The following STXBP6 variants were observed in gnomAD, a reference collection of about 807,000 sequenced individuals.
STXBP6 encodes syntaxin-binding protein 6.
A neutral mutation model predicts 26.9 loss-of-function variants in STXBP6; 21 were observed. The ratio of observed to expected loss-of-function variants is 0.78; its 90% CI spans 0.55 to 1.12. The LOEUF is 1.12. Ranked by LOEUF, STXBP6 falls within the 50% of genes most tolerant of loss-of-function variation. The pLI is 0.00. For synonymous variants in STXBP6, 97 were observed against 92.6 expected (o/e 1.05, Z -0.27); for missense variants, 232 against 257.9 (o/e 0.90, Z 0.69).
chr14:25,046,531 G>A (rs2075729892), intron 1 of STXBP6, among the ~76,000 whole-genome samples: 1 of 149,318 alleles, frequency 6.7e-6, no homozygotes, highest in Admixed American at 6.7e-5. Flanking sequence ...ACAGTGAGCT[G>A]GGATCCCATT....
At chr14:24,966,414 G>A (rs1203409556) in intron 2 of STXBP6, among the ~76,000 whole-genome samples, 4 of 151,064 alleles carry the variant, frequency 2.6e-5, no homozygotes, top group African/African-American at 9.7e-5. Context: ...AATGACAAGT[G>A]TGTCTACTTT....
intron 2 of STXBP6, among the ~76,000 whole-genome samples, chr14:24,907,846 C>A (rs889234248): frequency 6.6e-6 from 1 of 152,052 alleles, no homozygotes; most frequent in African/African-American, 2.4e-5. Context: ...TGCTCCTCCT[C>A]CTCTCTTAGA....
At chr14:25,014,173 T>G (rs1270175628) in intron 1 of STXBP6, among the ~76,000 whole-genome samples, 4 of 152,206 alleles carry the variant, frequency 2.6e-5, no homozygotes, top group African/African-American at 9.6e-5. Flanking sequence ...TGTACTCCTG[T>G]GTACGTTTGA....
At chr14:24,906,899 T>C (rs2071403031) in intron 2 of STXBP6, among the ~76,000 whole-genome samples, 1 of 152,094 alleles carries the variant, frequency 6.6e-6, no homozygotes, top group Admixed American at 6.6e-5. Context: ...TTTGGAAGCA[T>C]TTAAAAAACA....
intron 1 of STXBP6, among the ~76,000 whole-genome samples, chr14:25,000,944 A>G (rs2074746422): frequency 6.6e-6 from 1 of 151,928 alleles, no homozygotes; most frequent in South Asian, 2.1e-4. Flanking sequence ...TTTCCCCTCT[A>G]TCTTTGGGTC....
At chr14:25,014,545 T>C (rs922058691) in intron 1 of STXBP6, among the ~76,000 whole-genome samples, 2 of 152,188 alleles carry the variant, frequency 1.3e-5, no homozygotes, top group African/African-American at 4.8e-5. Context: ...TCTCCACCTA[T>C]ACTGTGAGAT....
chr14:25,047,953 A>G (rs534347076), intron 1 of STXBP6, among the ~76,000 whole-genome samples: 1 of 152,340 alleles, frequency 6.6e-6, no homozygotes, highest in African/African-American at 2.4e-5. Context: ...AGGACTCTGA[A>G]TGTTGATAAG....
chr14:24,868,765 C>A (rs1335022198), intron 2 of STXBP6, among the ~76,000 whole-genome samples: 1 of 152,158 alleles, frequency 6.6e-6, no homozygotes, highest in Non-Finnish European at 1.5e-5. Flanking sequence ...GAGAGAGGCG[C>A]TGCCAGTAGC....
At chr14:24,950,255 C>T (rs75826311) in intron 2 of STXBP6, among the ~76,000 whole-genome samples, 1 of 151,946 alleles carries the variant, frequency 6.6e-6, no homozygotes, top group African/African-American at 2.4e-5. Flanking sequence ...TTGGTACCAC[C>T]TTTGGAAATC....
chr14:25,040,736 A>T (rs2140503701), intron 1 of STXBP6, among the ~76,000 whole-genome samples: 1 of 152,350 alleles, frequency 6.6e-6, no homozygotes, highest in Non-Finnish European at 1.5e-5. Flanking sequence ...AGACACGCAT[A>T]GTTTGTATCC....
chr14:24,971,518 G>A (rs1442904051), intron 2 of STXBP6, among the ~76,000 whole-genome samples: 2 of 152,142 alleles, frequency 1.3e-5, no homozygotes, highest in African/African-American at 4.8e-5. Context: ...ATAGCAGGAA[G>A]AATATTTTCA....
intron 2 of STXBP6, among the ~76,000 whole-genome samples, chr14:24,896,201 C>T (rs1317292309): frequency 6.6e-6 from 1 of 152,098 alleles, no homozygotes; most frequent in Non-Finnish European, 1.5e-5. Context: ...TGTGTGTTCA[C>T]CTGCCAGCCT....
chr14:24,910,933 T>TATGG (rs1566468488), intron 2 of STXBP6, among the ~76,000 whole-genome samples: 2 of 152,128 alleles, frequency 1.3e-5, no homozygotes, highest in Non-Finnish European at 2.9e-5. Flanking sequence ...GTGGTATGGT[T>TATGG]TTAGCTGTTA....
intron 1 of STXBP6, among the ~76,000 whole-genome samples, chr14:25,019,496 T>C (rs1321969662): frequency 6.6e-6 from 1 of 152,244 alleles, no homozygotes; most frequent in East Asian, 1.9e-4. Context: ...CCTTTTGCCT[T>C]TACTTTTCCC....
intron 2 of STXBP6, among the ~76,000 whole-genome samples, chr14:24,899,153 G>T (rs954809923): frequency 6.6e-6 from 1 of 152,148 alleles, no homozygotes; most frequent in Non-Finnish European, 1.5e-5. Context: ...GCTAGGAATG[G>T]TGGACGAAAC....
chr14:24,967,868 C>T (rs959847279), intron 2 of STXBP6, among the ~76,000 whole-genome samples: 2 of 152,116 alleles, frequency 1.3e-5, no homozygotes, highest in Non-Finnish European at 2.9e-5. Flanking sequence ...CTCCACCACA[C>T]CCCTCCCAAG....
At chr14:24,928,134 C>T (rs1161740284) in intron 2 of STXBP6, among the ~76,000 whole-genome samples, 1 of 152,168 alleles carries the variant, frequency 6.6e-6, no homozygotes, top group East Asian at 1.9e-4. Context: ...ACCCTACGAA[C>T]TTCCTCTTCT....
At chr14:24,908,802 G>A (rs1276975959) in intron 2 of STXBP6, among the ~76,000 whole-genome samples, 1 of 152,132 alleles carries the variant, frequency 6.6e-6, no homozygotes, top group African/African-American at 2.4e-5. Context: ...CAGAGGCTCG[G>A]CTGAGCTGCA....
At chr14:24,882,943 A>G (rs1595038161) in intron 2 of STXBP6, among the ~76,000 whole-genome samples, 1 of 152,350 alleles carries the variant, frequency 6.6e-6, no homozygotes, top group East Asian at 1.9e-4. Flanking sequence ...ATGTGAATAA[A>G]GCTTTAATTA....
Sources: gnomAD v4.1 joint callset for allele counts (sites outside exome capture counted in the v4.1 genomes callset) on GRCh38, gnomAD v4.1.1 for gene constraint, MANE v1.5 for transcripts, NCBI Gene and HGNC (gene_info 2026-07-23, HGNC 2026-07-21) for gene names.